The following GNB1 variants were observed in gnomAD, a reference collection of about 807,000 sequenced individuals.
GNB1 encodes the protein guanine nucleotide-binding protein G(I)/G(S)/G(T) subunit beta-1.
Under a neutral mutation model 42.9 loss-of-function variants are expected in GNB1, and 2 were observed. That is an observed-to-expected ratio of 0.05 (90% CI 0.02 to 0.15). The LOEUF (loss-of-function observed/expected upper bound fraction) is 0.15, where lower values mean the gene tolerates loss of function less well. GNB1 is among the 10% of genes least tolerant of loss of function. The pLI is 1.00. For synonymous variants in GNB1, 183 were observed against 174.7 expected, an observed-to-expected ratio of 1.05 and a Z score of -0.38; for missense variants, 193 against 462.2, an observed-to-expected ratio of 0.42 and a Z score of 5.34.
At chr1:1,801,674 C>A (rs563117502) in intron 7 of GNB1, among the ~76,000 whole-genome samples, 1 of 152,154 alleles carries the variant, frequency 6.6e-6, no homozygotes, top group East Asian at 1.9e-4. Context: ...CCAGGCCAGG[C>A]GTGGTGGCTC....
chr1:1,885,590 TC>T (rs1444390238), intron 1 of GNB1, among the ~76,000 whole-genome samples: 2 of 125,102 alleles, frequency 1.6e-5, no homozygotes, highest in African/African-American at 6.1e-5. Flanking sequence ...GGAGTCTCGC[TC>T]AGTCACCCAG....
intron 1 of GNB1, among the ~76,000 whole-genome samples, chr1:1,855,574 G>T (rs542425391): frequency 6.6e-6 from 1 of 151,306 alleles, no homozygotes; most frequent in African/African-American, 2.4e-5. Flanking sequence ...GGTGGCAGGC[G>T]CCTGTAGTCC....
chr1:1,804,544 G>C lies in GNB1; in HGVS notation c.305C>G (p.Thr102Ser). ...GTTCCCAGAAGGGGCATATGCACAG[G>C]TCATGACCCAGGAGGAGCGCAGAGG... ...AIPLRSSWVM[T>S]CAYAPSGNYV... The change falls in exon 7 of 12, where the codon ACC becomes AGC. Residue 102 changes from threonine to serine, a missense_variant. Thr to Ser is a moderately conservative substitution (Grantham distance 58). This residue lies in a region of GNB1 where 150 missense variants were observed against 410.8 expected (regional missense o/e 0.37). Transcript: ENST00000378609. 6.2e-7 allele frequency: 1 copy of C among 1,613,456 alleles called. No homozygotes were observed. Among genetic ancestry groups the C allele is most frequent in the Non-Finnish European group, 8.5e-7 (1 of 1,179,552 alleles).
chr1:1,837,395 C>A (rs1647167311), intron 2 of GNB1, among the ~76,000 whole-genome samples: 1 of 151,380 alleles, frequency 6.6e-6, no homozygotes, highest in Non-Finnish European at 1.5e-5. Context: ...GCTGGGACTT[C>A]AGGTGCCCAT....
Position 1,787,084 on chromosome 1 carries a change from A to G in GNB1, c.*10-31T>C. 1 of 378,782 alleles carries G rather than the reference A, an allele frequency of 2.6e-6. No individual in the cohort carries two copies. 23.5% of individuals were successfully genotyped at this position (378,782 alleles called of 1,614,324 possible). The stretch of plus-strand genomic sequence containing the variant: ...TTAAACAGAGTTTAAAGAAATGTGA[A>G]AAGAGGCAGAGAATCTAAGTGCAGA... On this transcript the variant is annotated intron_variant, in intron 11 of 11. Coordinates refer to ENST00000378609, the MANE Select transcript of GNB1 (RefSeq NM_002074.5). This position sits in a 1 kb window ranked among gnomAD's most constrained non-coding sequence, Gnocchi z 4.4.
intron 1 of GNB1, among the ~76,000 whole-genome samples, chr1:1,853,996 TCAA>T (rs1648126029): frequency 6.6e-6 from 1 of 152,320 alleles, no homozygotes; most frequent in South Asian, 2.1e-4. Flanking sequence ...ATTCACTCAC[TCAA>T]CAACGACCTG....
chr1:1,816,455 T>A (rs572452761), intron 4 of GNB1, among the ~76,000 whole-genome samples: 3 of 152,256 alleles, frequency 2.0e-5, no homozygotes, highest in Middle Eastern at 3.4e-3. Context: ...AAAGTGCTTC[T>A]CAGAATTGAA....
At chr1:1,863,623 A>G (rs2101677741) in intron 1 of GNB1, among the ~76,000 whole-genome samples, 2 of 152,334 alleles carry the variant, frequency 1.3e-5, no homozygotes, top group South Asian at 4.1e-4. Flanking sequence ...AACACAAAAA[A>G]CAAAAACCCA....
At position 1,856,889 on chromosome 1, in the gene GNB1, C is replaced by T. The variant is rs376851326; in HGVS notation, c.-95-17651G>A. On this transcript the variant is annotated intron_variant, in intron 1 of 11. Coordinates refer to ENST00000378609, the MANE Select transcript of GNB1 (RefSeq NM_002074.5). ...TAATTCAGAAGGCCCAAGAAAAAGGCTCTTGTACTGTTCACTCTTCTGAGG... is the reference window on the plus strand; with the variant it reads ...TAATTCAGAAGGCCCAAGAAAAAGGTTCTTGTACTGTTCACTCTTCTGAGG... Among the ~76,000 whole-genome samples, 6 of 152,330 alleles carry T rather than the reference C, an allele frequency of 3.9e-5. No homozygotes were observed. In the East Asian group the frequency reaches 5.8e-4, roughly 15 times the overall value.
chr1:1,816,607 C>T (rs1646859945), intron 4 of GNB1, among the ~76,000 whole-genome samples: 1 of 149,904 alleles, frequency 6.7e-6, no homozygotes, highest in Non-Finnish European at 1.5e-5. Context: ...TTTTCTTTCA[C>T]ATTTCTGTCC....
At chr1:1,869,185 C>CAAAAAA (rs71578347) in intron 1 of GNB1, among the ~76,000 whole-genome samples, 7 of 26,748 alleles carry the variant, frequency 2.6e-4, no homozygotes, top group African/African-American at 7.7e-4. Context: ...GACACCTTCT[C>CAAAAAA]AAAAAAAAAA....
At chr1:1,881,342 T>A (rs753958418) in intron 1 of GNB1, among the ~76,000 whole-genome samples, 1 of 152,110 alleles carries the variant, frequency 6.6e-6, no homozygotes, top group East Asian at 1.9e-4. Flanking sequence ...TACGCTCAAC[T>A]ACCAAGTAAT....
chr1:1,843,341 T>G (rs1404503983), intron 1 of GNB1, among the ~76,000 whole-genome samples: 1 of 152,116 alleles, frequency 6.6e-6, no homozygotes, highest in Non-Finnish European at 1.5e-5. Context: ...TGCCTCAGCC[T>G]CCTGAGTAGC....
intron 2 of GNB1, 145 bp from the exon 3 acceptor site, chr1:1,825,644 C>A (rs1298648013): frequency 2.6e-5 from 14 of 546,678 alleles, no homozygotes; most frequent in Non-Finnish European, 4.7e-5. Context: ...GCGGGCAGAT[C>A]ACGAGGTCAG....
In GNB1 at chr1:1,804,587, G is replaced by GA. The variant is rs773542848; in HGVS notation, c.268-7dup. 9.0e-5 allele frequency: 140 copies of GA among 1,554,232 alleles called. No homozygotes were observed. The East Asian group carries it at 3.3e-3, about 37-fold the overall frequency. On this transcript the variant is annotated splice_polypyrimidine_tract_variant and splice_region_variant and intron_variant, in intron 6 of 11. Transcript: ENST00000378609. ...CGCAGAGGGATGGCGTGGACCTAAT[G>GA]ACAGAAAGACAGATGATGCAAACAA... is the stretch of plus-strand genomic sequence containing the variant.
At chr1:1,861,883 A>T (rs1320310564) in intron 1 of GNB1, among the ~76,000 whole-genome samples, 2 of 152,162 alleles carry the variant, frequency 1.3e-5, no homozygotes, top group African/African-American at 4.8e-5. Flanking sequence ...GATGTCCTAC[A>T]GGATAACTGG....
chr1:1,809,583 T>A (rs1233029612), intron 5 of GNB1, among the ~76,000 whole-genome samples: 13 of 152,238 alleles, frequency 8.5e-5, no homozygotes, highest in Admixed American at 7.9e-4. Context: ...TCTGAGACTT[T>A]CTGTCGAGTA....
At chr1:1,815,906 A>T in intron 4 of GNB1, 44 bp from the exon 5 acceptor site, 13 of 1,164,566 alleles carry the variant, frequency 1.1e-5, no homozygotes, top group Non-Finnish European at 1.7e-5. Context: ...CTGTGATTAA[A>T]CGATTCTCCT....
At chr1:1,844,690 G>C (rs1442393133) in intron 1 of GNB1, among the ~76,000 whole-genome samples, 1 of 152,140 alleles carries the variant, frequency 6.6e-6, no homozygotes, top group Non-Finnish European at 1.5e-5. Context: ...TGCACCACTG[G>C]TTATCTACAA....
Sources: gnomAD v4.1 joint callset for allele counts (sites outside exome capture counted in the v4.1 genomes callset) on GRCh38, gnomAD v4.1.1 for gene constraint, gnomAD v4.1.1 regional missense constraint, Gnocchi (gnomAD v3.1) non-coding constraint, MANE v1.5 for transcripts, NCBI Gene and HGNC (gene_info 2026-07-23, HGNC 2026-07-21) for gene names.